Variants in NEK10 observed in about 807,000 individuals in gnomAD.
NEK10 encodes serine/threonine-protein kinase Nek10.
NEK10 carries 122 observed loss-of-function variants against 159.8 expected under a neutral mutation model. The ratio of observed to expected loss-of-function variants is 0.76; its 90% CI spans 0.66 to 0.89. The LOEUF is 0.89. NEK10 is among the 40% of genes least tolerant of loss of function. NEK10 has a pLI of 0.00. For missense variants in NEK10, 1,342 were observed against 1,323.1 expected, an observed-to-expected ratio of 1.01 and a Z score of -0.22; for synonymous variants, 466 against 457.1, an observed-to-expected ratio of 1.02 and a Z score of -0.25.
chr3:27,163,991 G>A (rs1282454057), intron 29 of NEK10, among the ~76,000 whole-genome samples: 1 of 152,106 alleles, frequency 6.6e-6, no homozygotes, highest in East Asian at 1.9e-4. Context: ...CAAAATCTTT[G>A]CATCCACCTA....
At chr3:27,271,299 C>G (rs770024656) in intron 22 of NEK10, among the ~76,000 whole-genome samples, 6 of 151,986 alleles carry the variant, frequency 3.9e-5, no homozygotes, top group Non-Finnish European at 7.4e-5. Context: ...TATTCACAAA[C>G]TAGATGGCTT....
intron 19 of NEK10, among the ~76,000 whole-genome samples, chr3:27,288,919 T>C (rs2042806674): frequency 1.3e-5 from 2 of 152,164 alleles, no homozygotes; most frequent in East Asian, 3.9e-4. Flanking sequence ...AAGCTGGACA[T>C]GGCTTCCCAG....
chr3:27,357,679 C>T (rs905965430), intron 1 of NEK10, among the ~76,000 whole-genome samples: 2 of 152,150 alleles, frequency 1.3e-5, no homozygotes, highest in African/African-American at 4.8e-5. Context: ...TGCTCATGGA[C>T]CAGTGACACA....
intron 23 of NEK10, among the ~76,000 whole-genome samples, chr3:27,244,641 C>T (rs1333703644): frequency 6.6e-6 from 1 of 152,160 alleles, no homozygotes; most frequent in Non-Finnish European, 1.5e-5. Flanking sequence ...AACCCTGCAG[C>T]CTCAGCCTGG....
At chr3:27,264,229 T>C (rs1371759342) in intron 22 of NEK10, among the ~76,000 whole-genome samples, 2 of 152,042 alleles carry the variant, frequency 1.3e-5, no homozygotes, top group South Asian at 2.1e-4. Flanking sequence ...TTAAGAAATA[T>C]ATACCAATTC....
chr3:27,132,022 C>CA (rs1379665187), intron 31 of NEK10, 32 bp from the exon 32 acceptor site: 1 of 1,311,272 alleles, frequency 7.6e-7, no homozygotes, highest in South Asian at 1.2e-5. Context: ...TCATTATAAA[C>CA]AAATTGTTAA....
intron 30 of NEK10, chr3:27,162,284 G>A (rs1946085143): frequency 1.8e-6 from 2 of 1,128,596 alleles, no homozygotes; most frequent in African/African-American, 3.1e-5. Context: ...AGTGAACACA[G>A]AAGGCATTTT....
chr3:27,123,845 A>C (rs1941617746), intron 32 of NEK10, among the ~76,000 whole-genome samples: 1 of 151,936 alleles, frequency 6.6e-6, no homozygotes, highest in South Asian at 2.1e-4. Context: ...AAGCATGTAC[A>C]AGACTACGAA....
chr3:27,123,393 G>C lies in NEK10; in HGVS notation c.3082-3525C>G, dbSNP rs551786326. ...CAATCAAAGTGGACATTCCAGGTAG[G>C]GGGAACTTGGAGGTAAAGGTTGGGC... On this transcript the variant is annotated intron_variant, in intron 32 of 35. Coordinates refer to ENST00000691995, the MANE Select transcript of NEK10 (RefSeq NM_001394966.1). 2.6e-5 allele frequency among the ~76,000 whole-genome samples: 4 copies of C among 152,216 alleles called. No homozygotes were observed. In the South Asian group the frequency reaches 8.3e-4, roughly 32 times the overall value.
chr3:27,146,194 T>C (rs1944281397), intron 30 of NEK10, among the ~76,000 whole-genome samples: 1 of 152,172 alleles, frequency 6.6e-6, no homozygotes, highest in African/African-American at 2.4e-5. Flanking sequence ...CATAATAAAA[T>C]AGCCAAGTTA....
chr3:27,192,807 G>T (rs1041467604), intron 25 of NEK10, among the ~76,000 whole-genome samples: 3 of 152,024 alleles, frequency 2.0e-5, no homozygotes, highest in Non-Finnish European at 4.4e-5. Flanking sequence ...AATGACCTTC[G>T]TTCTCCTAGC....
At chr3:27,286,448 C>T (rs1389401719) in intron 20 of NEK10, among the ~76,000 whole-genome samples, 1 of 150,030 alleles carries the variant, frequency 6.7e-6, no homozygotes, top group African/African-American at 2.5e-5. Context: ...GTGGCGCGAT[C>T]TTGGCTCAGT....
chr3:27,313,558 T>C (rs2044881962), intron 7 of NEK10, among the ~76,000 whole-genome samples: 1 of 152,170 alleles, frequency 6.6e-6, no homozygotes, highest in African/African-American at 2.4e-5. Context: ...CTCAGGAGGC[T>C]GAAGCAGGAG....
chr3:27,368,610 CA>C (rs2049280650), intron 1 of NEK10, among the ~76,000 whole-genome samples: 1 of 151,994 alleles, frequency 6.6e-6, no homozygotes, highest in African/African-American at 2.4e-5. Flanking sequence ...TAGTGATGCC[CA>C]AAATAGGGAA....
chr3:27,166,430 T>C (rs1364500897), intron 29 of NEK10, among the ~76,000 whole-genome samples: 1 of 152,180 alleles, frequency 6.6e-6, no homozygotes, highest in Admixed American at 6.6e-5. Context: ...GAGTGAGACA[T>C]TAGCAGATGG....
At chr3:27,275,574 G>A (rs1260626099) in intron 22 of NEK10, among the ~76,000 whole-genome samples, 4 of 152,108 alleles carry the variant, frequency 2.6e-5, no homozygotes, top group Non-Finnish European at 4.4e-5. Flanking sequence ...TCCGGTTAAC[G>A]GGAAGTAAAC....
intron 35 of NEK10, among the ~76,000 whole-genome samples, chr3:27,112,078 T>C (rs192903063): frequency 1.8e-4 from 28 of 152,234 alleles, no homozygotes; most frequent in Admixed American, 1.6e-3. Context: ...TGGTCAGAGG[T>C]CCTTGCTGCT....
chr3:27,156,790 T>C (rs1285582320), intron 30 of NEK10, among the ~76,000 whole-genome samples: 3 of 151,408 alleles, frequency 2.0e-5, no homozygotes. Context: ...ATCCCACTAC[T>C]GGGTATCTAC....
intron 3 of NEK10, among the ~76,000 whole-genome samples, chr3:27,350,045 A>G (rs2047855767): frequency 6.6e-6 from 1 of 152,086 alleles, no homozygotes; most frequent in African/African-American, 2.4e-5. Context: ...AGTTCTCTGC[A>G]CTCTCTACCT....
Sources: allele counts gnomAD v4.1 joint callset (sites outside exome capture counted in the v4.1 genomes callset), GRCh38; gene constraint gnomAD v4.1.1; transcripts MANE v1.5; gene names NCBI Gene and HGNC (gene_info 2026-07-23, HGNC 2026-07-21).